Variants in UTRN observed in about 807,000 individuals in gnomAD.
UTRN encodes utrophin, also known as dystrophin-related protein 1.
In UTRN, 283 loss-of-function variants were observed where a neutral mutation model predicts 463.9. The observed-to-expected ratio is 0.61, with a 90% CI of 0.55 to 0.67. The LOEUF (loss-of-function observed/expected upper bound fraction) is 0.67, where lower values mean the gene tolerates loss of function less well. Among genes scored for constraint, UTRN ranks in the 30% least tolerant of loss-of-function variants. The pLI is 0.00. For synonymous variants in UTRN, 1,442 were observed against 1,431.5 expected, an observed-to-expected ratio of 1.01 and a Z score of -0.17; for missense variants, 3,922 against 4,084.3, an observed-to-expected ratio of 0.96 and a Z score of 1.08.
intron 51 of UTRN, among the ~76,000 whole-genome samples, chr6:144,671,104 C>A (rs9403575): frequency 0.11 from 16,427 of 150,408 alleles, 1,256 homozygotes; most frequent in Middle Eastern, 0.25. Context: ...TTTAGTCTTG[C>A]TTTGGCTATG....
At chr6:144,376,934 T>C (rs1780514974) in intron 2 of UTRN, among the ~76,000 whole-genome samples, 1 of 152,190 alleles carries the variant, frequency 6.6e-6, no homozygotes, top group Non-Finnish European at 1.5e-5. Flanking sequence ...AGCTACAGAT[T>C]AGAAAAATAT....
intron 53 of UTRN, among the ~76,000 whole-genome samples, chr6:144,714,149 G>A (rs995681480): frequency 6.6e-6 from 1 of 151,984 alleles, no homozygotes; most frequent in Non-Finnish European, 1.5e-5. Context: ...AATTTTGTCT[G>A]CATACCAACG....
intron 53 of UTRN, among the ~76,000 whole-genome samples, chr6:144,727,485 G>A (rs1219225351): frequency 6.6e-6 from 1 of 152,204 alleles, no homozygotes; most frequent in African/African-American, 2.4e-5. Context: ...TGAGCCAGGC[G>A]TGGTGGCCCA....
At chr6:144,675,581 T>G (rs1207353423) in intron 51 of UTRN, among the ~76,000 whole-genome samples, 4 of 152,210 alleles carry the variant, frequency 2.6e-5, no homozygotes, top group Non-Finnish European at 5.9e-5. Flanking sequence ...TTGAGTTGGT[T>G]GGCCTCTAGC....
intron 50 of UTRN, among the ~76,000 whole-genome samples, chr6:144,569,170 G>A (rs1248308887): frequency 6.6e-6 from 1 of 151,814 alleles, no homozygotes; most frequent in Non-Finnish European, 1.5e-5. Context: ...CTAAGCTATA[G>A]TCTATTAGAA....
At chr6:144,430,446 T>C (rs534322376) in intron 9 of UTRN, among the ~76,000 whole-genome samples, 139 of 152,268 alleles carry the variant, frequency 9.1e-4, no homozygotes, top group Non-Finnish European at 1.1e-3. Context: ...AGTCACTTGG[T>C]TCAACATTCT....
At chr6:144,763,657 A>AG (rs1403888411) in intron 58 of UTRN, among the ~76,000 whole-genome samples, 1 of 152,232 alleles carries the variant, frequency 6.6e-6, no homozygotes, top group African/African-American at 2.4e-5. Flanking sequence ...ATATGGTCAG[A>AG]GAGGAGTATC....
intron 59 of UTRN, 96 bp downstream of exon 59, chr6:144,772,064 C>G (rs1457403448): frequency 1.4e-6 from 1 of 714,254 alleles, no homozygotes; most frequent in East Asian, 3.8e-5. Flanking sequence ...AAGGTGGATT[C>G]TCGCTGTTGC....
intron 59 of UTRN, 146 bp downstream of exon 59, chr6:144,772,114 A>C: frequency 2.1e-6 from 1 of 474,494 alleles, no homozygotes; most frequent in Non-Finnish European, 3.3e-6. Context: ...GCTCACTGCA[A>C]CCTCTGCCTC....
intron 49 of UTRN, among the ~76,000 whole-genome samples, chr6:144,555,209 AC>A (rs1439361483): frequency 1.3e-5 from 2 of 152,164 alleles, no homozygotes; most frequent in Non-Finnish European, 2.9e-5. Context: ...TCCCTTCTGT[AC>A]TGTATTAGTC....
chr6:144,365,989 C>T (rs192944220), intron 2 of UTRN, among the ~76,000 whole-genome samples: 9 of 152,298 alleles, frequency 5.9e-5, no homozygotes, highest in African/African-American at 4.8e-5. Flanking sequence ...CCACCCGTCT[C>T]GGCCTCCCAA....
chr6:144,376,167 G>GT (rs1478038383), intron 2 of UTRN, among the ~76,000 whole-genome samples: 2 of 151,998 alleles, frequency 1.3e-5, no homozygotes, highest in Admixed American at 1.3e-4. Flanking sequence ...TTTTAAAAAA[G>GT]TTTTTTGGGT....
chr6:144,332,224 G>T (rs563112270), intron 2 of UTRN, among the ~76,000 whole-genome samples: 1 of 152,310 alleles, frequency 6.6e-6, no homozygotes, highest in South Asian at 2.1e-4. Context: ...TCACTTGTTT[G>T]TTTACTTTAG....
chr6:144,760,627 A>C (rs1023055080), intron 58 of UTRN, among the ~76,000 whole-genome samples: 1 of 152,202 alleles, frequency 6.6e-6, no homozygotes, highest in African/African-American at 2.4e-5. Flanking sequence ...ATGTGTGAAG[A>C]ATTGTTATGA....
At chr6:144,825,067 A>C (rs891857706) in intron 66 of UTRN, among the ~76,000 whole-genome samples, 1 of 152,010 alleles carries the variant, frequency 6.6e-6, no homozygotes, top group Non-Finnish European at 1.5e-5. Context: ...TATAGGTATA[A>C]GCCACCGAGC....
At chr6:144,662,066 G>GTAA (rs1779927230) in intron 51 of UTRN, among the ~76,000 whole-genome samples, 1 of 152,010 alleles carries the variant, frequency 6.6e-6, no homozygotes, top group South Asian at 2.1e-4. Context: ...CAGTCCTGAT[G>GTAA]TAATTCTCAG....
At chr6:144,613,268 A>G (rs974283734) in intron 51 of UTRN, among the ~76,000 whole-genome samples, 2 of 152,128 alleles carry the variant, frequency 1.3e-5, no homozygotes, top group South Asian at 4.1e-4. Context: ...TTTCAGATAG[A>G]TAAGAGGATT....
rs538065670 is a variant in UTRN at position 144,428,161 on chromosome 6, TA to T, written c.579-613del. 2.3e-3 allele frequency among the ~76,000 whole-genome samples: 357 copies of T among 152,268 alleles called. 1 individual carries two copies. The highest frequency in any genetic ancestry group is 7.7e-3 in the African/African-American group (320 of 41,566). On this transcript the variant is annotated intron_variant, in intron 7 of 74. Coordinates refer to ENST00000367545, the MANE Select transcript of UTRN (RefSeq NM_007124.3). ...AACAATAATGTCCAATTTGTGAGAT[TA>T]AAAGAAAATCAAGATAGAAATGAAA... is the stretch of plus-strand genomic sequence containing the variant.
At chr6:144,649,578 T>C (rs1360099346) in intron 51 of UTRN, among the ~76,000 whole-genome samples, 1 of 152,146 alleles carries the variant, frequency 6.6e-6, no homozygotes, top group Non-Finnish European at 1.5e-5. Flanking sequence ...GGTTGGAATA[T>C]GGAGAATCAT....
Sources: allele counts gnomAD v4.1 joint callset (sites outside exome capture counted in the v4.1 genomes callset), GRCh38; gene constraint gnomAD v4.1.1; transcripts MANE v1.5; gene names NCBI Gene and HGNC (gene_info 2026-07-23, HGNC 2026-07-21).